The following ITGB1 variants were observed in gnomAD, a reference collection of about 807,000 sequenced individuals.
ITGB1 encodes the protein integrin subunit beta 1.
In ITGB1, 24 loss-of-function variants were observed where a neutral mutation model predicts 86.5. That is an observed-to-expected ratio of 0.28 (90% CI 0.20 to 0.39). ITGB1 has a LOEUF of 0.39. Ranked by LOEUF, ITGB1 falls within the 10% of genes least tolerant of loss-of-function variation. The probability of loss-of-function intolerance (pLI) is 1.00; values close to 1 mark genes in which losing one functional copy is unlikely to be tolerated. For missense variants in ITGB1, 556 were observed against 946.9 expected, an observed-to-expected ratio of 0.59 and a Z score of 5.42; for synonymous variants, 323 against 316.8, an observed-to-expected ratio of 1.02 and a Z score of -0.21.
chr10:32,921,994 A>C (rs2094951527), intron 9 of ITGB1, among the ~76,000 whole-genome samples: 1 of 152,162 alleles, frequency 6.6e-6, no homozygotes, highest in South Asian at 2.1e-4. Flanking sequence ...TAACAAGGAG[A>C]TCTATTCCTT....
At chr10:32,949,213 C>A (rs1316911994) in intron 1 of ITGB1, among the ~76,000 whole-genome samples, 2 of 152,070 alleles carry the variant, frequency 1.3e-5, no homozygotes, top group Non-Finnish European at 2.9e-5. Context: ...ATAATAGTGT[C>A]TTTGTTTTAC....
chr10:32,919,792 T>A, intron 11 of ITGB1, 93 bp downstream of exon 11: 5 of 1,086,396 alleles, frequency 4.6e-6, no homozygotes, highest in Non-Finnish European at 7.0e-6. Flanking sequence ...TTGCTCCAAA[T>A]AGAGAGATAT....
intron 15 of ITGB1, chr10:32,906,914 G>A (rs1056623730): frequency 2.2e-5 from 10 of 454,036 alleles, no homozygotes; most frequent in Middle Eastern, 4.2e-4. Context: ...CTTTCTAAAC[G>A]CGAAGTTAAC....
In ITGB1 at chr10:32,919,764, G is replaced by A. The variant is rs556640329; in HGVS notation, c.1469+121C>T. 67 of 770,446 alleles carry A rather than the reference G, an allele frequency of 8.7e-5. 1 individual carries two copies. The East Asian group carries it at 1.2e-3, about 14-fold the overall frequency. 47.7% of individuals were successfully genotyped at this position (770,446 alleles called of 1,614,324 possible). A position where few individuals can be genotyped will look rare whatever the true frequency, so the allele number is the denominator to read the frequency against. ...CAAACTGATCTTGTGGTGAGCAACCGTGGTTGGAAAAAATAATTTGCTCCA... is the reference window on the plus strand; with the variant it reads ...CAAACTGATCTTGTGGTGAGCAACCATGGTTGGAAAAAATAATTTGCTCCA... On this transcript the variant is annotated intron_variant, in intron 11 of 15. Transcript: ENST00000302278.
chr10:32,953,904 T>A (rs1232738732), intron 1 of ITGB1: 1 of 152,136 alleles, frequency 6.6e-6, no homozygotes. Flanking sequence ...GAAATACCTA[T>A]GTCACTCACA....
intron 1 of ITGB1, among the ~76,000 whole-genome samples, chr10:32,941,884 T>C (rs2095019037): frequency 1.3e-5 from 2 of 151,914 alleles, no homozygotes; most frequent in Admixed American, 6.6e-5. Flanking sequence ...CGAGGGAGAA[T>C]GGGGTTAGGG....
At chr10:32,924,540 T>C (rs562170119) in intron 6 of ITGB1, among the ~76,000 whole-genome samples, 3 of 152,330 alleles carry the variant, frequency 2.0e-5, no homozygotes, top group South Asian at 2.1e-4. Context: ...GTCTGATTCT[T>C]TTGCATCTAG....
intron 1 of ITGB1, among the ~76,000 whole-genome samples, chr10:32,956,961 C>T (rs995236657): frequency 1.3e-5 from 2 of 152,176 alleles, no homozygotes; most frequent in African/African-American, 2.4e-5. Context: ...GACTCTGGAA[C>T]TAGACCCCAT....
chr10:32,927,919 G>T (rs538613336), intron 5 of ITGB1, among the ~76,000 whole-genome samples, 175 bp downstream of exon 5: 1 of 152,318 alleles, frequency 6.6e-6, no homozygotes, highest in Admixed American at 6.5e-5. Flanking sequence ...CAAGGTGGCA[G>T]AAAAGATTAT....
At chr10:32,938,718 G>A (rs957747668) in intron 1 of ITGB1, among the ~76,000 whole-genome samples, 1 of 152,224 alleles carries the variant, frequency 6.6e-6, no homozygotes, top group Non-Finnish European at 1.5e-5. Flanking sequence ...TGCGACTGGC[G>A]ACTGGCGGGG....
intron 1 of ITGB1, chr10:32,945,100 G>C (rs1046970235): frequency 1.7e-5 from 7 of 406,772 alleles, no homozygotes; most frequent in Admixed American, 1.4e-4. Context: ...TGAATTCTTT[G>C]AAAGTTATAT....
intron 1 of ITGB1, chr10:32,944,513 A>G: frequency 2.4e-6 from 1 of 414,578 alleles, no homozygotes; most frequent in Non-Finnish European, 4.7e-6. Flanking sequence ...CTGCTCCAGG[A>G]TCAACATGCT....
Position 32,910,242 on chromosome 10 carries a change from A to G in ITGB1, c.2145T>C (p.Val715=), listed in dbSNP as rs146012660. ...YSVNGNNEVM[V]HVVENPECPT... ...TTCTACCTGGATTCTCCACAACATG[A>G]ACCATGACCTCGTTGTTCCCATTCA... Residue 715 remains valine, a synonymous_variant, in exon 14 of 16, where the codon GTT becomes GTC. Transcript: ENST00000302278. The G allele has an allele frequency of 3.7e-5, 60 of 1,603,586 alleles. No individual in the cohort carries two copies. Among genetic ancestry groups the G allele is most frequent in the Non-Finnish European group, 3.8e-5 (45 of 1,170,958 alleles).
At position 32,920,326 on chromosome 10, in the gene ITGB1, A is replaced by C. The variant is rs201578528; in HGVS notation, c.1188T>G (p.Ser396Arg). The C allele has an allele frequency of 3.1e-6, 5 of 1,612,738 alleles. No individual in the cohort carries two copies. The highest frequency in any genetic ancestry group is 4.2e-6 in the Non-Finnish European group (5 of 1,179,030). Residue 396 changes from serine (S) to arginine (R), a missense_variant, in exon 10 of 16, where the codon AGT becomes AGG. This residue lies in a region of ITGB1 where 330 missense variants were observed against 531.5 expected (regional missense o/e 0.62). Transcript: ENST00000302278. ...CCCCGTTCTTGCAGTAAGATTTGTA[A>C]CTTATTGTTACGCCTTCTGACAATT... is the stretch of plus-strand genomic sequence containing the variant. Reference protein sequence around the residue: ...NGKLSEGVTISYKSYCKNGVN... With the variant: ...NGKLSEGVTIRYKSYCKNGVN...
chr10:32,923,797 T>A (rs909898401), intron 6 of ITGB1, 57 bp from the exon 7 acceptor site: 2 of 1,458,312 alleles, frequency 1.4e-6, no homozygotes, highest in East Asian at 4.8e-5. Flanking sequence ...TCAACAAAAA[T>A]CCTTTAATTT....
chr10:32,936,518 C>T (rs2095002482), intron 1 of ITGB1, among the ~76,000 whole-genome samples: 1 of 151,806 alleles, frequency 6.6e-6, no homozygotes, highest in Admixed American at 6.6e-5. Context: ...TCCAGACCCC[C>T]CACCTCTCCC....
At chr10:32,906,742 T>C (rs2094897580) in intron 15 of ITGB1, among the ~76,000 whole-genome samples, 2 of 152,144 alleles carry the variant, frequency 1.3e-5, no homozygotes, top group East Asian at 1.9e-4. Flanking sequence ...AACAGAGTAC[T>C]GACTCCCTGT....
Position 32,926,974 on chromosome 10 carries a change from T to C in ITGB1, c.548-865A>G, listed in dbSNP as rs532538010. On this transcript the variant is annotated intron_variant, in intron 5 of 15. Coordinates refer to ENST00000302278, the MANE Select transcript of ITGB1 (RefSeq NM_002211.4). ...TAGTATTTTCTTAAAGCAGCACAAA[T>C]GGACTAAGACCTAAGACAATCTTTT... Among the ~76,000 whole-genome samples the C allele has an allele frequency of 4.6e-5, 7 of 152,286 alleles. No homozygotes were observed. The South Asian group carries it at 1.5e-3, about 32-fold the overall frequency.
At chr10:32,944,636 T>C (rs1472564485) in intron 1 of ITGB1, 1 of 612,148 alleles carries the variant, frequency 1.6e-6, no homozygotes, top group East Asian at 3.7e-5. Flanking sequence ...TCTCACTTAG[T>C]ATAGCTAGCT....
Sources: allele counts gnomAD v4.1 joint callset (sites outside exome capture counted in the v4.1 genomes callset), GRCh38; gene constraint gnomAD v4.1.1; regional missense constraint gnomAD v4.1.1; transcripts MANE v1.5; gene names NCBI Gene and HGNC (gene_info 2026-07-23, HGNC 2026-07-21).